The following RNF144A variants were observed in gnomAD, a reference collection of about 807,000 sequenced individuals.
The protein encoded by RNF144A is E3 ubiquitin-protein ligase RNF144A.
Under a neutral mutation model 38.7 loss-of-function variants are expected in RNF144A, and 11 were observed. The observed-to-expected ratio is 0.28, with a 90% CI of 0.18 to 0.47. The LOEUF is 0.47. Among genes scored for constraint, RNF144A ranks in the 20% least tolerant of loss-of-function variants. The probability of loss-of-function intolerance (pLI) is 0.99; values close to 1 mark genes in which losing one functional copy is unlikely to be tolerated. For missense variants in RNF144A, 316 were observed against 377.2 expected (o/e 0.84, Z 1.34); for synonymous variants, 149 against 143.9 (o/e 1.04, Z -0.25).
chr2:6,974,062 T>A (rs1358087364), intron 2 of RNF144A, among the ~76,000 whole-genome samples: 1 of 152,236 alleles, frequency 6.6e-6, no homozygotes, highest in East Asian at 1.9e-4. Context: ...TTTTAGGCTA[T>A]GGCTCATGCT....
At chr2:6,971,885 T>C (rs534037719) in intron 2 of RNF144A, among the ~76,000 whole-genome samples, 2 of 152,374 alleles carry the variant, frequency 1.3e-5, no homozygotes, top group East Asian at 1.9e-4. Context: ...TGTTTATTTC[T>C]AGATTCCTGA....
intron 2 of RNF144A, among the ~76,000 whole-genome samples, chr2:6,985,917 G>A (rs1336470445): frequency 2.0e-5 from 3 of 152,190 alleles, no homozygotes; most frequent in South Asian, 2.1e-4. Flanking sequence ...CTCATGATCC[G>A]CCCACCTCGG....
chr2:6,974,639 T>C (rs1668194137), intron 2 of RNF144A, among the ~76,000 whole-genome samples: 1 of 152,236 alleles, frequency 6.6e-6, no homozygotes, highest in African/African-American at 2.4e-5. Flanking sequence ...ACTTAATTAT[T>C]GTGAAAGTAA....
intron 1 of RNF144A, among the ~76,000 whole-genome samples, chr2:6,932,390 G>A (rs185284656): frequency 6.6e-6 from 1 of 152,030 alleles, no homozygotes; most frequent in Non-Finnish European, 1.5e-5. Flanking sequence ...CTTTTAACTG[G>A]TATATTTAGA....
At chr2:7,049,572 C>CA (rs1211716043) in intron 6 of RNF144A, among the ~76,000 whole-genome samples, 1 of 152,184 alleles carries the variant, frequency 6.6e-6, no homozygotes, top group East Asian at 1.9e-4. Context: ...TTTTCAACGA[C>CA]ACGAAAATGA....
rs187675294 is a variant in RNF144A, at chr2:7,033,362, A to C, written c.747+3147A>C. On this transcript the variant is annotated intron_variant, in intron 8 of 8. Transcript: ENST00000320892. ...GGCTTGGGCCTCAGCTGGGGCTGGC[A>C]GTCAGATATCCTCACGCCATCGTGC... Among the ~76,000 whole-genome samples, 382 of 152,320 alleles carry C rather than the reference A, an allele frequency of 2.5e-3. 3 individuals carry two copies. Among genetic ancestry groups the C allele is most frequent in the Middle Eastern group, 0.017 (5 of 292 alleles).
intron 1 of RNF144A, among the ~76,000 whole-genome samples, chr2:6,924,701 C>T (rs559508541): frequency 4.6e-5 from 7 of 152,368 alleles, no homozygotes; most frequent in African/African-American, 1.7e-4. Flanking sequence ...GAGGAACTTG[C>T]CAGGTAGGGC....
intron 2 of RNF144A, chr2:6,978,841 TA>T (rs1195486448): frequency 6.6e-6 from 1 of 152,570 alleles, no homozygotes; most frequent in African/African-American, 2.4e-5. Flanking sequence ...CAGAACTGAG[TA>T]AGTTCTGTGG....
chr2:6,947,658 C>A (rs1666425448), intron 2 of RNF144A, among the ~76,000 whole-genome samples: 1 of 152,122 alleles, frequency 6.6e-6, no homozygotes, highest in African/African-American at 2.4e-5. Context: ...TTTTTGATGG[C>A]AACTGGGGGC....
chr2:6,977,212 C>T (rs1411870184), intron 2 of RNF144A, among the ~76,000 whole-genome samples: 1 of 152,230 alleles, frequency 6.6e-6, no homozygotes, highest in South Asian at 2.1e-4. Flanking sequence ...TAAGCCCTGT[C>T]GTTCTCCACA....
At chr2:7,001,536 G>A (rs1364348065) in intron 3 of RNF144A, among the ~76,000 whole-genome samples, 1 of 151,916 alleles carries the variant, frequency 6.6e-6, no homozygotes, top group Admixed American at 6.6e-5. Context: ...AATTAGCTGG[G>A]CGTGGTGACA....
the RNF144A span, among the ~76,000 whole-genome samples, chr2:7,074,226 G>A: frequency 0.015 from 2,321 of 152,252 alleles, 60 homozygotes; most frequent in African/African-American, 0.053. Context: ...AGGCACCAGA[G>A]CTTTCCTCTC....
rs767850069 is a variant in RNF144A, at chr2:7,014,820, T to C, written c.301+48T>C. ...GGTTATGATTCCTGTAATGTGTGAA[T>C]GTGGATAATTTTGTGGGGAGTTCTT... is the stretch of plus-strand genomic sequence containing the variant. On this transcript the variant is annotated intron_variant, in intron 5 of 8. Transcript: ENST00000320892. The C allele has an allele frequency of 1.2e-5, 17 of 1,366,280 alleles. No homozygotes were observed. The South Asian group carries it at 2.0e-4, about 16-fold the overall frequency. The allele number at this position is 1,366,280 out of a possible 1,614,324, so 84.6% of individuals were successfully genotyped here.
At chr2:6,985,110 C>T (rs1018407221) in intron 2 of RNF144A, among the ~76,000 whole-genome samples, 1 of 152,180 alleles carries the variant, frequency 6.6e-6, no homozygotes, top group Non-Finnish European at 1.5e-5. Flanking sequence ...AACAGGAAAT[C>T]TTCTCTATGT....
At chr2:6,993,522 G>A (rs1376619905) in intron 2 of RNF144A, among the ~76,000 whole-genome samples, 2 of 152,178 alleles carry the variant, frequency 1.3e-5, no homozygotes, top group African/African-American at 4.8e-5. Context: ...GCAGGGCAGA[G>A]GTCCAGCACA....
chr2:6,958,877 A>T lies in RNF144A; in HGVS notation c.-12+17730A>T. Among the ~76,000 whole-genome samples the T allele has an allele frequency of 6.6e-6, 1 of 152,090 alleles. No homozygotes were observed. The highest frequency in any genetic ancestry group is 1.9e-4 in the East Asian group (1 of 5,184). On this transcript the variant is annotated intron_variant, in intron 2 of 8. Coordinates refer to ENST00000320892, the MANE Select transcript of RNF144A (RefSeq NM_014746.6). The surrounding 1 kb of genome is among the most constrained non-coding windows in gnomAD (Gnocchi z 4.5). ...CTGAAAGGAGCTTGGACACTATTCC[A>T]AAGCTTCTCTTTTACCCAATGGCTC...
chr2:6,947,651 T>C (rs771312), intron 2 of RNF144A, among the ~76,000 whole-genome samples: 12,250 of 152,278 alleles, frequency 0.08, 977 homozygotes, highest in East Asian at 0.29. Context: ...TTGAATTTTT[T>C]TGATGGCAAC....
intron 5 of RNF144A, among the ~76,000 whole-genome samples, chr2:7,017,965 C>T (rs542300997): frequency 3.9e-5 from 6 of 152,280 alleles, no homozygotes; most frequent in South Asian, 4.2e-4. Context: ...AGATTTAAAT[C>T]GTTCCCATGG....
intron 3 of RNF144A, among the ~76,000 whole-genome samples, chr2:7,011,326 A>G (rs1040354434): frequency 6.6e-6 from 1 of 152,220 alleles, no homozygotes; most frequent in Non-Finnish European, 1.5e-5. Context: ...CAATTGTATT[A>G]AAGTTAGTCC....
Sources: allele counts gnomAD v4.1 joint callset (sites outside exome capture counted in the v4.1 genomes callset), GRCh38; gene constraint gnomAD v4.1.1; non-coding constraint Gnocchi (gnomAD v3.1); transcripts MANE v1.5; gene names NCBI Gene and HGNC (gene_info 2026-07-23, HGNC 2026-07-21).